Variants in MCTP2 observed in about 807,000 individuals in gnomAD.
MCTP2 encodes the protein multiple C2 and transmembrane domain containing 2.
Under a neutral mutation model 111.6 loss-of-function variants are expected in MCTP2, and 132 were observed. That is an observed-to-expected ratio of 1.18 (90% CI 1.03 to 1.37). The LOEUF is 1.37. MCTP2 is among the 40% of genes most tolerant of loss of function. The probability of loss-of-function intolerance (pLI) is 0.00; values close to 1 mark genes in which losing one functional copy is unlikely to be tolerated. For synonymous variants in MCTP2, 395 were observed against 387.7 expected, an observed-to-expected ratio of 1.02 and a Z score of -0.22; for missense variants, 1,183 against 1,067.9, an observed-to-expected ratio of 1.11 and a Z score of -1.50.
intron 17 of MCTP2, among the ~76,000 whole-genome samples, chr15:94,412,377 G>A (rs536245006): frequency 6.6e-6 from 1 of 151,998 alleles, no homozygotes; most frequent in South Asian, 2.1e-4. Context: ...ATTCAGAGTG[G>A]TAACATGCCG....
At chr15:94,279,538 A>G (rs1262820732) in intron 1 of MCTP2, among the ~76,000 whole-genome samples, 1 of 152,164 alleles carries the variant, frequency 6.6e-6, no homozygotes, top group African/African-American at 2.4e-5. Context: ...TTTTCTAGGT[A>G]AAGAATTGTA....
At chr15:94,345,662 C>A (rs921983968) in intron 8 of MCTP2, among the ~76,000 whole-genome samples, 2 of 152,094 alleles carry the variant, frequency 1.3e-5, no homozygotes, top group Non-Finnish European at 2.9e-5. Flanking sequence ...TTGATAGTAT[C>A]TTTTTAAGCA....
intron 1 of MCTP2, among the ~76,000 whole-genome samples, chr15:94,235,254 CAA>C (rs11296869): frequency 3.6e-4 from 50 of 140,564 alleles, no homozygotes; most frequent in Admixed American, 4.9e-4. Context: ...AACTCCGTCT[CAA>C]AAAAAAAAAA....
intron 1 of MCTP2, among the ~76,000 whole-genome samples, chr15:94,274,432 TAAATA>T (rs891634095): frequency 2.1e-5 from 3 of 144,302 alleles, no homozygotes; most frequent in Non-Finnish European, 2.9e-5. Context: ...CCAAAATTAA[TAAATA>T]AAATCAACAG....
chr15:94,245,283 CACAT>C (rs2071775480), intron 1 of MCTP2, among the ~76,000 whole-genome samples: 1 of 137,524 alleles, frequency 7.3e-6, no homozygotes. Context: ...TACGTATATA[CACAT>C]ATGTATATAT....
At position 94,435,756 on chromosome 15, in the gene MCTP2, C is replaced by T. The variant is rs1311228148; in HGVS notation, c.2086-4420C>T. Among the ~76,000 whole-genome samples, 93 of 136,718 alleles carry T rather than the reference C, an allele frequency of 6.8e-4. 9 individuals are homozygous for T. Among genetic ancestry groups the T allele is most frequent in the Non-Finnish European group, 4.7e-4 (29 of 61,926 alleles). 89.7% of individuals were successfully genotyped at this position (136,718 alleles called of 152,430 possible). ...ACGCCATTCTCCTGCCTCAGCCTCC[C>T]GAGTAGCTGGGATTACAGGCGCCCG... On this transcript the variant is annotated intron_variant, in intron 17 of 22. Coordinates refer to ENST00000357742, the MANE Select transcript of MCTP2 (RefSeq NM_001385001.1).
intron 20 of MCTP2, among the ~76,000 whole-genome samples, chr15:94,459,533 C>A (rs1313432095): frequency 6.6e-6 from 1 of 151,900 alleles, no homozygotes; most frequent in Non-Finnish European, 1.5e-5. Context: ...ACAGTTATAC[C>A]CATTATTAAT....
chr15:94,475,905 A>G (rs949206269), intron 21 of MCTP2, among the ~76,000 whole-genome samples: 1 of 112,994 alleles, frequency 8.9e-6, no homozygotes, highest in Non-Finnish European at 2.3e-5. Flanking sequence ...TGACATCTTA[A>G]ACGTTCAACC....
At chr15:94,399,701 A>G in intron 15 of MCTP2, 2 of 480,748 alleles carry the variant, frequency 4.2e-6, no homozygotes, top group Non-Finnish European at 7.5e-6. Flanking sequence ...AAGTGGAGAC[A>G]GTACCCTTCT....
intron 1 of MCTP2, among the ~76,000 whole-genome samples, chr15:94,257,482 A>G (rs1018551725): frequency 3.3e-5 from 5 of 151,208 alleles, no homozygotes; most frequent in African/African-American, 1.2e-4. Flanking sequence ...GTTCCCTACA[A>G]TGCCCTGGTA....
chr15:94,358,366 A>G, intron 9 of MCTP2, 116 bp from the exon 10 acceptor site: 4 of 909,554 alleles, frequency 4.4e-6, no homozygotes, highest in Non-Finnish European at 3.2e-6. Flanking sequence ...TACCTTTATA[A>G]GGGGTGAGGT....
chr15:94,451,134 C>G (rs150899614), intron 19 of MCTP2, among the ~76,000 whole-genome samples: 2 of 152,106 alleles, frequency 1.3e-5, no homozygotes, highest in Admixed American at 1.3e-4. Context: ...GTTCTGCTTA[C>G]AAAAGTTAGC....
At chr15:94,354,764 G>A (rs1026933133) in intron 8 of MCTP2, among the ~76,000 whole-genome samples, 1 of 152,146 alleles carries the variant, frequency 6.6e-6, no homozygotes, top group African/African-American at 2.4e-5. Flanking sequence ...TATTAAGAGT[G>A]GTGGAGTGGC....
intron 14 of MCTP2, among the ~76,000 whole-genome samples, chr15:94,391,103 C>A (rs1166964945): frequency 1.3e-5 from 2 of 152,006 alleles, no homozygotes; most frequent in Non-Finnish European, 2.9e-5. Context: ...ACTGTATAAT[C>A]AGAAGCATGG....
rs1555443740 is a variant in MCTP2 at position 94,267,869 on chromosome 15, C to CTTTCTTTT, written c.-65-30329_-65-30328insCTTTTTTT. Among the ~76,000 whole-genome samples, 246 of 77,474 alleles carry CTTTCTTTT rather than the reference C, an allele frequency of 3.2e-3. 13 individuals carry two copies. The highest frequency in any genetic ancestry group is 0.011 in the Middle Eastern group (1 of 88). The allele number at this position is 77,474 out of a possible 152,430, so 50.8% of individuals were successfully genotyped here. On this transcript the variant is annotated intron_variant, in intron 1 of 22. Transcript: ENST00000357742. The stretch of plus-strand genomic sequence containing the variant: ...GGTCTGGATTACTTTCCTTTTCTTT[C>CTTTCTTTT]TTTTTTTTTTTTTTGAGACAGAGTC...
chr15:94,404,318 T>G (rs541152166), intron 17 of MCTP2, among the ~76,000 whole-genome samples: 186 of 147,216 alleles, frequency 1.3e-3, no homozygotes, highest in Non-Finnish European at 2.1e-3. Context: ...TTTTTTTTTT[T>G]TGTGACAGAG....
chr15:94,331,548 T>A (rs918583024), intron 4 of MCTP2, among the ~76,000 whole-genome samples: 2 of 152,210 alleles, frequency 1.3e-5, no homozygotes, highest in Admixed American at 1.3e-4. Context: ...AAGACCTCCT[T>A]CCCCAGTTCC....
intron 22 of MCTP2, among the ~76,000 whole-genome samples, chr15:94,477,891 G>C (rs2074497365): frequency 6.6e-6 from 1 of 152,110 alleles, no homozygotes; most frequent in Non-Finnish European, 1.5e-5. Context: ...GCCCCTGTTT[G>C]TTTTGCATTG....
At chr15:94,451,152 C>T (rs2084428877) in intron 19 of MCTP2, among the ~76,000 whole-genome samples, 1 of 151,710 alleles carries the variant, frequency 6.6e-6, no homozygotes, top group South Asian at 2.1e-4. Flanking sequence ...AGCAAAAATA[C>T]TCAATCCTTT....
Sources: allele counts gnomAD v4.1 joint callset (sites outside exome capture counted in the v4.1 genomes callset), GRCh38; gene constraint gnomAD v4.1.1; transcripts MANE v1.5; gene names NCBI Gene and HGNC (gene_info 2026-07-23, HGNC 2026-07-21).